TCF3: variants seen among roughly 807,000 people sequenced by gnomAD.
TCF3 encodes the protein transcription factor 3, also known as transcription factor E2-alpha.
A neutral mutation model predicts 72.3 loss-of-function variants in TCF3; 54 were observed. That is an observed-to-expected ratio of 0.75 (90% CI 0.60 to 0.94). The LOEUF is 0.94. Among genes scored for constraint, TCF3 ranks in the 40% least tolerant of loss-of-function variants. The probability of loss-of-function intolerance (pLI) is 0.00; values close to 1 mark genes in which losing one functional copy is unlikely to be tolerated. For synonymous variants in TCF3, 525 were observed against 412.6 expected, an observed-to-expected ratio of 1.27 and a Z score of -3.30; for missense variants, 1,078 against 934.4, an observed-to-expected ratio of 1.15 and a Z score of -2.00.
chr19:1,616,904 G>C (rs1178662851), intron 16 of TCF3, among the ~76,000 whole-genome samples: 1 of 152,208 alleles, frequency 6.6e-6, no homozygotes, highest in Non-Finnish European at 1.5e-5. Flanking sequence ...CACAGATGTA[G>C]CCAACCAGGA....
At chr19:1,636,351 G>A (rs1488528740) in intron 3 of TCF3, among the ~76,000 whole-genome samples, 1 of 152,044 alleles carries the variant, frequency 6.6e-6, no homozygotes, top group Non-Finnish European at 1.5e-5. Flanking sequence ...GTAGAGACGG[G>A]GTTTCATACA....
chr19:1,612,907 G>GGGGTACACGGCTGGTGTGGGCAGCAGTGC (rs1599427646), intron 18 of TCF3, among the ~76,000 whole-genome samples: 2 of 137,086 alleles, frequency 1.5e-5, no homozygotes, highest in East Asian at 4.4e-4. Flanking sequence ...GACAGCAGTG[G>GGGGTACACGGCTGGTGTGGGCAGCAGTGC]GGGTACACGG....
In TCF3 at chr19:1,622,099, A is replaced by C. The variant is rs1184299722; in HGVS notation, c.777T>G (p.Ser259Arg). Residue 259 changes from serine to arginine, a missense_variant, in exon 10 of 19, where the codon AGT becomes AGG. Transcript: ENST00000262965. ...LPPGSGPVGSSGSSSTFGGLH... is the reference protein window; with the variant it reads ...LPPGSGPVGSRGSSSTFGGLH... ...GGCCACCAAACGTGCTGCTGCTTCC[A>C]CTGCTGCCCACCGGGCCGCTACCGG... The C allele has an allele frequency of 6.2e-7, 1 of 1,604,246 alleles. No homozygotes were observed. The highest frequency in any genetic ancestry group is 1.3e-5 in the African/African-American group (1 of 74,290).
intron 6 of TCF3, among the ~76,000 whole-genome samples, chr19:1,626,116 G>C: frequency 6.6e-6 from 1 of 152,164 alleles, no homozygotes; most frequent in East Asian, 1.9e-4. Flanking sequence ...TGGGGAGCCA[G>C]GGCTGCCCTG....
intron 3 of TCF3, among the ~76,000 whole-genome samples, chr19:1,638,407 C>T (rs371356241): frequency 2.6e-5 from 4 of 152,124 alleles, no homozygotes; most frequent in Non-Finnish European, 5.9e-5. Context: ...CTGGCTCTGT[C>T]GCCCAGGCTG....
chr19:1,643,999 G>T (rs969013693), intron 3 of TCF3, among the ~76,000 whole-genome samples: 1 of 152,238 alleles, frequency 6.6e-6, no homozygotes, highest in Admixed American at 6.5e-5. Context: ...CGCCTGGAAG[G>T]AAGCTGCACC....
intron 16 of TCF3, among the ~76,000 whole-genome samples, chr19:1,617,309 C>A (rs2145919615): frequency 6.6e-6 from 1 of 152,368 alleles, no homozygotes; most frequent in East Asian, 1.9e-4. Context: ...GGCACACTCA[C>A]AATGGGACCC....
chr19:1,616,061 A>G (rs539683679), intron 16 of TCF3, among the ~76,000 whole-genome samples: 25 of 152,330 alleles, frequency 1.6e-4, no homozygotes, highest in African/African-American at 5.3e-4. Context: ...CTTTGGAACA[A>G]AGTGTGTAGA....
At chr19:1,623,860 C>A in intron 8 of TCF3, 91 bp downstream of exon 8, 1 of 1,365,142 alleles carries the variant, frequency 7.3e-7, no homozygotes, top group Non-Finnish European at 1.0e-6. Flanking sequence ...AGGGCCCACC[C>A]CGCCATGTGT....
intron 3 of TCF3, among the ~76,000 whole-genome samples, chr19:1,636,622 G>C (rs1471044329): frequency 6.6e-6 from 1 of 152,202 alleles, no homozygotes; most frequent in Non-Finnish European, 1.5e-5. Context: ...TATGGGAGAA[G>C]ATGAAAGACC....
intron 3 of TCF3, among the ~76,000 whole-genome samples, chr19:1,635,749 A>G (rs377724756): frequency 1.3e-5 from 2 of 152,328 alleles, no homozygotes; most frequent in Admixed American, 6.5e-5. Flanking sequence ...TAAAAATTAC[A>G]TTTAAAAATG....
intron 5 of TCF3, 51 bp from the exon 6 acceptor site, chr19:1,627,477 G>GA (rs2063032050): frequency 6.4e-7 from 1 of 1,559,496 alleles, no homozygotes; most frequent in Admixed American, 1.7e-5. Flanking sequence ...GGAACATCCT[G>GA]AGGGCCCCCG....
intron 1 of TCF3, among the ~76,000 whole-genome samples, 200 bp downstream of exon 1, chr19:1,652,100 C>A (rs1026759229): frequency 2.7e-5 from 4 of 149,662 alleles, no homozygotes; most frequent in African/African-American, 4.9e-5. Flanking sequence ...GAGCTCCGGG[C>A]TCCTCCACGT....
At chr19:1,616,085 C>T (rs556687683) in intron 16 of TCF3, among the ~76,000 whole-genome samples, 1 of 152,330 alleles carries the variant, frequency 6.6e-6, no homozygotes, top group Non-Finnish European at 1.5e-5. Flanking sequence ...TCTGCAGCAA[C>T]TCAATGGCAG....
chr19:1,625,410 C>T (rs1282700675), intron 7 of TCF3, among the ~76,000 whole-genome samples, 166 bp downstream of exon 7: 1 of 152,242 alleles, frequency 6.6e-6, no homozygotes, highest in Admixed American at 6.5e-5. Flanking sequence ...CCTCGACCCC[C>T]CGTCACCGTC....
In TCF3 at chr19:1,631,043, G is replaced by A. The variant is rs1185120634; in HGVS notation, c.298+995C>T. ...TTCCCAAGCGTCGGTTCGTTCCCCT[G>A]CAGCACGGGTGAGCCTGCAGCGGGG... On this transcript the variant is annotated intron_variant, in intron 5 of 18. Transcript: ENST00000262965. 4.6e-5 allele frequency among the ~76,000 whole-genome samples: 7 copies of A among 152,338 alleles called. No homozygotes were observed. In the South Asian group the frequency reaches 1.4e-3, roughly 32 times the overall value.
chr19:1,626,386 G>T (rs1321058635), intron 6 of TCF3, among the ~76,000 whole-genome samples: 2 of 152,162 alleles, frequency 1.3e-5, no homozygotes, highest in East Asian at 1.9e-4. Flanking sequence ...GGAGACAGAG[G>T]TTGCGGTGAG....
chr19:1,613,686 T>C (rs2061266579), intron 18 of TCF3, among the ~76,000 whole-genome samples: 1 of 152,026 alleles, frequency 6.6e-6, no homozygotes, highest in East Asian at 1.9e-4. Flanking sequence ...AGGGCTCACA[T>C]GGAGCAAACC....
intron 3 of TCF3, among the ~76,000 whole-genome samples, chr19:1,642,266 G>A (rs1293251309): frequency 1.3e-5 from 2 of 149,450 alleles, no homozygotes; most frequent in Non-Finnish European, 3.0e-5. Flanking sequence ...GCGCACACAC[G>A]CACGCACACG....
Sources: allele counts gnomAD v4.1 joint callset (sites outside exome capture counted in the v4.1 genomes callset), GRCh38; gene constraint gnomAD v4.1.1; transcripts MANE v1.5; gene names NCBI Gene and HGNC (gene_info 2026-07-23, HGNC 2026-07-21).